SGTB: variants seen among roughly 807,000 people sequenced by gnomAD.
SGTB encodes the protein small glutamine-rich tetratricopeptide repeat-containing protein beta.
A neutral mutation model predicts 43.9 loss-of-function variants in SGTB; 19 were observed. The ratio of observed to expected loss-of-function variants is 0.43; its 90% CI spans 0.30 to 0.63. The LOEUF is 0.63. SGTB is among the 30% of genes least tolerant of loss of function. SGTB has a pLI of 0.12. For missense variants in SGTB, 304 were observed against 358.9 expected (o/e 0.85, Z 1.24); for synonymous variants, 116 against 117.3 (o/e 0.99, Z 0.07).
chr5:65,680,393 AACC>A, intron 8 of SGTB, 98 bp downstream of exon 8: 1 of 1,215,446 alleles, frequency 8.2e-7, no homozygotes, highest in Non-Finnish European at 1.2e-6. Flanking sequence ...ACTCCACTAC[AACC>A]ACCACCACAA....
At chr5:65,679,315 C>A (rs1407784052) in intron 8 of SGTB, among the ~76,000 whole-genome samples, 1 of 151,888 alleles carries the variant, frequency 6.6e-6, no homozygotes, top group Non-Finnish European at 1.5e-5. Context: ...CAAGTCAGAA[C>A]AACTATAATT....
rs1191857396 is a variant in SGTB, at chr5:65,712,900, AATCT to A, written c.204+57_204+60del. The A allele has an allele frequency of 3.7e-6, 5 of 1,340,310 alleles. No homozygotes were observed. The East Asian group carries it at 7.0e-5, about 19-fold the overall frequency. The allele number at this position is 1,340,310 out of a possible 1,614,324, so 83.0% of individuals were successfully genotyped here. On this transcript the variant is annotated intron_variant, in intron 3 of 10. Transcript: ENST00000381007. The stretch of plus-strand genomic sequence containing the variant: ...TATACCTGGCCCCTCAGCTATTAAC[AATCT>A]ATTAACATAAAATTGTAGTCATATC...
At chr5:65,678,379 T>A (rs189323999) in intron 8 of SGTB, among the ~76,000 whole-genome samples, 135 of 152,274 alleles carry the variant, frequency 8.9e-4, no homozygotes, top group African/African-American at 2.7e-3. Context: ...CACTCCATGC[T>A]CATGGATAGA....
At chr5:65,678,903 A>C (rs1287574833) in intron 8 of SGTB, among the ~76,000 whole-genome samples, 1 of 152,228 alleles carries the variant, frequency 6.6e-6, no homozygotes, top group African/African-American at 2.4e-5. Context: ...CTATAAACCG[A>C]GGCAATATCA....
intron 5 of SGTB, among the ~76,000 whole-genome samples, chr5:65,696,443 G>A (rs1048321621): frequency 1.3e-5 from 2 of 152,194 alleles, no homozygotes; most frequent in African/African-American, 4.8e-5. Flanking sequence ...GGAGAACTTG[G>A]TGGTGTTTTA....
intron 5 of SGTB, among the ~76,000 whole-genome samples, chr5:65,689,000 G>A (rs577010850): frequency 2.6e-4 from 39 of 151,652 alleles, no homozygotes; most frequent in Admixed American, 4.6e-4. Context: ...TAGTAGAGAC[G>A]GGGGTTTCAC....
intron 5 of SGTB, among the ~76,000 whole-genome samples, chr5:65,690,858 C>A (rs529065653): frequency 1.3e-5 from 2 of 152,236 alleles, no homozygotes; most frequent in East Asian, 3.9e-4. Flanking sequence ...ATAAAACAAA[C>A]AATTGATCCT....
intron 8 of SGTB, among the ~76,000 whole-genome samples, chr5:65,675,215 T>C (rs73099319): frequency 0.018 from 2,731 of 152,266 alleles, 68 homozygotes; most frequent in African/African-American, 0.063. Context: ...TTTGTAAGAA[T>C]AGAAGACAAA....
chr5:65,668,195 C>G lies in SGTB; in HGVS notation c.*2051G>C, dbSNP rs1757080337. 1.3e-5 allele frequency: 2 copies of G among 151,644 alleles called. No individual in the cohort carries two copies. The highest frequency in any genetic ancestry group is 1.3e-4 in the Admixed American group (2 of 15,212). The allele number at this position is 151,644 out of a possible 1,614,324, so 9.4% of individuals were successfully genotyped here. The stretch of plus-strand genomic sequence containing the variant: ...TCAAACTCCTGACCTCAGGTGATCC[C>G]CCCTGCCTTGGCCTCCCAAAGTGCT... On this transcript the variant is annotated 3_prime_UTR_variant, in exon 11 of 11. Transcript: ENST00000381007.
At chr5:65,673,930 A>G (rs921023662) in intron 8 of SGTB, among the ~76,000 whole-genome samples, 3 of 152,184 alleles carry the variant, frequency 2.0e-5, no homozygotes, top group Non-Finnish European at 4.4e-5. Context: ...TGCTGGGATT[A>G]CAGGTGTGAG....
intron 6 of SGTB, among the ~76,000 whole-genome samples, chr5:65,683,723 G>A (rs1757444408): frequency 6.8e-6 from 1 of 146,092 alleles, no homozygotes. Context: ...GAGGTGGGTG[G>A]ATCGTGAGGT....
intron 5 of SGTB, among the ~76,000 whole-genome samples, chr5:65,686,234 A>G (rs768290901): frequency 1.3e-5 from 2 of 152,194 alleles, no homozygotes; most frequent in Non-Finnish European, 2.9e-5. Flanking sequence ...CACTTCTTCA[A>G]TTTCTCACAA....
intron 5 of SGTB, among the ~76,000 whole-genome samples, chr5:65,701,630 A>ATTTT (rs35304663): frequency 1.2e-4 from 15 of 126,488 alleles, no homozygotes; most frequent in Admixed American, 3.3e-4. Context: ...TTTAAATTAA[A>ATTTT]TTTTTTTTTT....
intron 3 of SGTB, among the ~76,000 whole-genome samples, chr5:65,711,025 C>A (rs568101712): frequency 6.7e-6 from 1 of 148,370 alleles, no homozygotes; most frequent in Non-Finnish European, 1.5e-5. Flanking sequence ...AATAGCCAGG[C>A]GTGGTGGCAC....
chr5:65,710,623 G>A (rs1207989554), intron 3 of SGTB, among the ~76,000 whole-genome samples: 1 of 152,152 alleles, frequency 6.6e-6, no homozygotes, highest in Non-Finnish European at 1.5e-5. Flanking sequence ...TATTTCAGGT[G>A]AATTTACACT....
At chr5:65,716,022 G>T (rs376288051) in intron 2 of SGTB, among the ~76,000 whole-genome samples, 1 of 152,144 alleles carries the variant, frequency 6.6e-6, no homozygotes, top group Non-Finnish European at 1.5e-5. Flanking sequence ...CGCCCGCCTC[G>T]GCCTCCCGAA....
At chr5:65,702,962 G>A (rs1462879211) in intron 5 of SGTB, among the ~76,000 whole-genome samples, 1 of 152,110 alleles carries the variant, frequency 6.6e-6, no homozygotes, top group Non-Finnish European at 1.5e-5. Flanking sequence ...CATTCCTAGG[G>A]AGAGAATTTT....
intron 5 of SGTB, among the ~76,000 whole-genome samples, chr5:65,703,050 T>A (rs4700687): frequency 0.054 from 8,164 of 152,300 alleles, 283 homozygotes; most frequent in East Asian, 0.1. Context: ...CTTCTAGATC[T>A]ACTAAGTGCA....
chr5:65,699,018 A>G (rs573476396), intron 5 of SGTB, among the ~76,000 whole-genome samples: 81 of 152,296 alleles, frequency 5.3e-4, no homozygotes, highest in Middle Eastern at 3.4e-3. Context: ...CGATCCAGGA[A>G]TCCCATTACT....
Sources: gnomAD v4.1 joint callset for allele counts (sites outside exome capture counted in the v4.1 genomes callset) on GRCh38, gnomAD v4.1.1 for gene constraint, MANE v1.5 for transcripts, NCBI Gene and HGNC (gene_info 2026-07-23, HGNC 2026-07-21) for gene names.